Variants in BTBD16 observed in about 807,000 individuals in gnomAD.
BTBD16 encodes the protein BTB/POZ domain-containing protein 16.
In BTBD16, 66 loss-of-function variants were observed where a neutral mutation model predicts 67.4. That is an observed-to-expected ratio of 0.98 (90% CI 0.80 to 1.20). The LOEUF (loss-of-function observed/expected upper bound fraction) is 1.20. Among genes scored for constraint, BTBD16 ranks in the 50% most tolerant of loss-of-function variants. The probability of loss-of-function intolerance (pLI) is 0.00; values close to 1 mark genes in which losing one functional copy is unlikely to be tolerated. For missense variants in BTBD16, 634 were observed against 616.0 expected (o/e 1.03, Z -0.31); for synonymous variants, 242 against 236.4 (o/e 1.02, Z -0.22).
intron 9 of BTBD16, among the ~76,000 whole-genome samples, chr10:122,303,443 T>G (rs1288345752): frequency 6.6e-6 from 1 of 152,250 alleles, no homozygotes; most frequent in Non-Finnish European, 1.5e-5. Flanking sequence ...CATTTAAAAT[T>G]TTAATTGTAA....
At position 122,290,007 on chromosome 10, in the gene BTBD16, A is replaced by G. The variant is rs1175078156; in HGVS notation, c.475+9A>G. The G allele has an allele frequency of 1.3e-6, 2 of 1,539,502 alleles. No homozygotes were observed. ...ACTGGTCACTAAAGTCGGTATGTATATACCCGTCTATATTCTGAGAATGCC... is the reference window on the plus strand; with the variant it reads ...ACTGGTCACTAAAGTCGGTATGTATGTACCCGTCTATATTCTGAGAATGCC... On this transcript the variant is annotated intron_variant, in intron 6 of 15. Coordinates refer to ENST00000260723, the MANE Select transcript of BTBD16 (RefSeq NM_144587.5).
At chr10:122,276,754 A>G in intron 2 of BTBD16, 37 bp from the exon 3 acceptor site, 1 of 1,595,560 alleles carries the variant, frequency 6.3e-7, no homozygotes, top group Non-Finnish European at 8.6e-7. Context: ...TGAAGTTAGA[A>G]AAAAAGATGT....
chr10:122,308,431 C>T (rs758638247), intron 10 of BTBD16, among the ~76,000 whole-genome samples: 36 of 152,180 alleles, frequency 2.4e-4, no homozygotes, highest in Non-Finnish European at 1.2e-4. Context: ...ATGCATTTCC[C>T]CAAGCCCCCT....
chr10:122,296,865 G>A (rs2096384247), intron 7 of BTBD16, among the ~76,000 whole-genome samples: 3 of 152,228 alleles, frequency 2.0e-5, no homozygotes, highest in Non-Finnish European at 4.4e-5. Context: ...GTGGAGCAGT[G>A]TTAAACAACG....
intron 14 of BTBD16, among the ~76,000 whole-genome samples, chr10:122,335,921 T>G (rs2096462622): frequency 6.6e-6 from 1 of 152,212 alleles, no homozygotes; most frequent in Non-Finnish European, 1.5e-5. Context: ...CAGGCTGCAG[T>G]GCAGTGGCAC....
chr10:122,329,722 A>G, intron 11 of BTBD16, 151 bp downstream of exon 11: 1 of 646,492 alleles, frequency 1.5e-6, no homozygotes, highest in East Asian at 2.7e-5. Context: ...ACTTCGGGAA[A>G]GTCATGTAGC....
intron 5 of BTBD16, 91 bp from the exon 6 acceptor site, chr10:122,289,818 C>A: frequency 2.6e-6 from 2 of 771,494 alleles, no homozygotes; most frequent in Non-Finnish European, 4.6e-6. Context: ...ATCTTGATAC[C>A]TCATGGTCAT....
At chr10:122,292,576 T>C (rs1388883133) in intron 7 of BTBD16, among the ~76,000 whole-genome samples, 1 of 152,246 alleles carries the variant, frequency 6.6e-6, no homozygotes, top group East Asian at 1.9e-4. Context: ...GACCCTCCCT[T>C]CAATGGCATT....
rs189150164 is a variant in BTBD16 at position 122,310,202 on chromosome 10, T to G, written c.911+2894T>G. On this transcript the variant is annotated intron_variant, in intron 10 of 15. Transcript: ENST00000260723. ...ACACATTTCCGTTTCTATTGATGGG[T>G]GGTGCCCGTTGAGTGCACCAGCCCA... Among the ~76,000 whole-genome samples, 89 of 152,352 alleles carry G rather than the reference T, an allele frequency of 5.8e-4. 1 individual carries two copies. The highest frequency in any genetic ancestry group is 5.0e-3 in the Admixed American group (77 of 15,304).
chr10:122,320,723 T>C (rs542647554), intron 10 of BTBD16, among the ~76,000 whole-genome samples: 5 of 152,242 alleles, frequency 3.3e-5, no homozygotes, highest in Non-Finnish European at 5.9e-5. Context: ...ATTCCATTGT[T>C]ATCAGAGAAA....
intron 7 of BTBD16, 126 bp from the exon 8 acceptor site, chr10:122,297,641 TA>T (rs2096385695): frequency 9.9e-7 from 1 of 1,011,980 alleles, no homozygotes; most frequent in Non-Finnish European, 1.5e-6. Context: ...TCCATACCCC[TA>T]AAGCGAGGCT....
intron 9 of BTBD16, among the ~76,000 whole-genome samples, chr10:122,301,212 T>A (rs1261433786): frequency 6.6e-6 from 1 of 152,038 alleles, no homozygotes. Flanking sequence ...ACATTGTCCC[T>A]CCCTTGGAAA....
At position 122,276,956 on chromosome 10, in the gene BTBD16, G is replaced by A; in HGVS notation, c.167+17G>A. The A allele has an allele frequency of 6.2e-7, 1 of 1,608,378 alleles. No homozygotes were observed. Among genetic ancestry groups the A allele is most frequent in the Non-Finnish European group, 8.5e-7 (1 of 1,175,788 alleles). On this transcript the variant is annotated intron_variant, in intron 3 of 15. Transcript: ENST00000260723. The stretch of plus-strand genomic sequence containing the variant: ...CCCAGACAGGTATGGAGACTCAAAG[G>A]TTTGTGGGAGGGAATGGCCCATTAT...
At chr10:122,286,704 T>A (rs978845297) in intron 5 of BTBD16, among the ~76,000 whole-genome samples, 1 of 152,170 alleles carries the variant, frequency 6.6e-6, no homozygotes, top group Admixed American at 6.5e-5. Context: ...GGCCCACATG[T>A]GTGCATCTAT....
At position 122,327,181 on chromosome 10, in the gene BTBD16, A is replaced by C. The variant is rs2096446578; in HGVS notation, c.912-2299A>C. On this transcript the variant is annotated intron_variant, in intron 10 of 15. Transcript: ENST00000260723. ...TATTGATCAGTTCTGAGGGTGGACC[A>C]CAACCCTTAGATCCTTTGAGATTTC... is the stretch of plus-strand genomic sequence containing the variant. 2.0e-5 allele frequency among the ~76,000 whole-genome samples: 3 copies of C among 152,236 alleles called. No individual in the cohort carries two copies. In the South Asian group the frequency reaches 6.2e-4, roughly 31 times the overall value.
chr10:122,313,257 G>GTTTTTTTTTTTT (rs58984425), intron 10 of BTBD16, among the ~76,000 whole-genome samples: 2 of 139,158 alleles, frequency 1.4e-5, no homozygotes, highest in Non-Finnish European at 1.5e-5. Flanking sequence ...AGTTAGTGCT[G>GTTTTTTTTTTTT]TTTTTTTTTT....
intron 5 of BTBD16, among the ~76,000 whole-genome samples, chr10:122,287,854 A>T (rs2096366772): frequency 6.6e-6 from 1 of 152,202 alleles, no homozygotes; most frequent in African/African-American, 2.4e-5. Flanking sequence ...GAATCCAAGG[A>T]GGAAGTGGCC....
intron 10 of BTBD16, among the ~76,000 whole-genome samples, chr10:122,313,996 A>G (rs115453168): frequency 2.6e-3 from 389 of 152,244 alleles, no homozygotes; most frequent in African/African-American, 9.0e-3. Flanking sequence ...ACATCCCCCA[A>G]TTTTGTTCTT....
intron 10 of BTBD16, chr10:122,327,473 C>T: frequency 4.3e-6 from 2 of 460,278 alleles, no homozygotes; most frequent in Non-Finnish European, 5.7e-6. Flanking sequence ...CCACCTGTGG[C>T]TACTGCTCCC....
Sources: gnomAD v4.1 joint callset for allele counts (sites outside exome capture counted in the v4.1 genomes callset) on GRCh38, gnomAD v4.1.1 for gene constraint, MANE v1.5 for transcripts, NCBI Gene and HGNC (gene_info 2026-07-23, HGNC 2026-07-21) for gene names.